The following PRUNE2 variants were observed in gnomAD, a reference collection of about 807,000 sequenced individuals.
The protein encoded by PRUNE2 is prune homolog 2 with BCH domain.
Under a neutral mutation model 252.0 loss-of-function variants are expected in PRUNE2, and 164 were observed. That is an observed-to-expected ratio of 0.65 (90% confidence interval 0.57 to 0.74). PRUNE2 has a LOEUF of 0.74. Ranked by LOEUF, PRUNE2 falls within the 30% of genes least tolerant of loss-of-function variation. PRUNE2 has a pLI of 0.00. For synonymous variants in PRUNE2, 1,292 were observed against 1,350.2 expected, an observed-to-expected ratio of 0.96 and a Z score of 0.94; for missense variants, 3,495 against 3,711.0, an observed-to-expected ratio of 0.94 and a Z score of 1.51.
chr9:76,750,866 G>C (rs749301528), intron 6 of PRUNE2, among the ~76,000 whole-genome samples: 5 of 152,176 alleles, frequency 3.3e-5, no homozygotes, highest in Non-Finnish European at 7.3e-5. Context: ...AAATATAATT[G>C]GGAAGTTGCT....
In PRUNE2 at chr9:76,706,984, G is replaced by A. The variant is rs767217841; in HGVS notation, c.5290C>T (p.Pro1764Ser). 22 of 1,613,932 alleles carry A rather than the reference G, an allele frequency of 1.4e-5. No homozygotes were observed. The highest frequency in any genetic ancestry group is 1.8e-5 in the Non-Finnish European group (21 of 1,179,868). The change falls in exon 8 of 19, where the codon CCT becomes TCT. Residue 1764 changes from proline (P) to serine (S), a missense_variant. Physicochemically the swap from Pro to Ser is moderately conservative, Grantham distance 74 (BLOSUM62 -1). Coordinates refer to ENST00000376718, the MANE Select transcript of PRUNE2 (RefSeq NM_015225.3). ...AATGGTGAGAAAGTCCAGGGATCAG[G>A]GCTGCTTTGTTGATTGTCACAGAAT... Reference protein sequence around the residue: ...NPFCDNQQSSPDPWTFSPLTE... With the variant: ...NPFCDNQQSSSDPWTFSPLTE...
At position 76,705,252 on chromosome 9, in the gene PRUNE2, T is replaced by C; in HGVS notation, c.7022A>G (p.Asp2341Gly). The change falls in exon 8 of 19, where the codon GAT (aspartate) becomes GGT (glycine). Residue 2341 changes from aspartate to glycine, a missense_variant. Asp to Gly is a moderately conservative substitution (Grantham distance 94). Coordinates refer to ENST00000376718, the MANE Select transcript of PRUNE2 (RefSeq NM_015225.3). ...CCACGAGGCTTCAGATGAGCAGATA[T>C]CTTGCTTCCCTAGGTCCCCATCAAC... ...TPVDGDLGKQ[D>G]ICSSEASWGD... The C allele has an allele frequency of 1.9e-6, 3 of 1,614,040 alleles. No individual in the cohort carries two copies. The highest frequency in any genetic ancestry group is 1.7e-6 in the Non-Finnish European group (2 of 1,179,882).
At chr9:76,653,433 T>C (rs1476303506) in intron 10 of PRUNE2, among the ~76,000 whole-genome samples, 3 of 152,118 alleles carry the variant, frequency 2.0e-5, no homozygotes, top group African/African-American at 7.2e-5. Flanking sequence ...TAATACCTAA[T>C]ACAAAGTAAA....
intron 6 of PRUNE2, among the ~76,000 whole-genome samples, chr9:76,723,118 G>C (rs1194745585): frequency 1.3e-5 from 2 of 152,174 alleles, no homozygotes; most frequent in Non-Finnish European, 2.9e-5. Context: ...AAATAGAACT[G>C]TAGGGTGACT....
At chr9:76,716,206 C>T (rs537374995) in intron 6 of PRUNE2, among the ~76,000 whole-genome samples, 29 of 152,238 alleles carry the variant, frequency 1.9e-4, no homozygotes, top group African/African-American at 6.5e-4. Context: ...TCAAAAATGC[C>T]GGCTGATCTC....
chr9:76,885,223 G>A (rs373427516), intron 1 of PRUNE2, among the ~76,000 whole-genome samples: 6 of 152,168 alleles, frequency 3.9e-5, no homozygotes, highest in East Asian at 1.9e-4. Flanking sequence ...TTGACTAGGC[G>A]GCTTCATATG....
intron 1 of PRUNE2, among the ~76,000 whole-genome samples, chr9:76,895,144 A>G (rs886320159): frequency 2.0e-5 from 3 of 152,198 alleles, no homozygotes; most frequent in Non-Finnish European, 2.9e-5. Flanking sequence ...CCATGGGTGG[A>G]AACTCTTCCA....
At chr9:76,837,441 A>AATAAT (rs2059067219) in intron 4 of PRUNE2, among the ~76,000 whole-genome samples, 2 of 134,826 alleles carry the variant, frequency 1.5e-5, no homozygotes, top group Non-Finnish European at 3.2e-5. Context: ...ACTCTGTCTC[A>AATAAT]AATAATAATA....
chr9:76,629,164 A>T (rs1387366156), intron 16 of PRUNE2, 28 bp downstream of exon 16: 1 of 1,410,606 alleles, frequency 7.1e-7, no homozygotes, highest in South Asian at 1.2e-5. Context: ...CTATTTCTTA[A>T]CACATCTCTG....
intron 6 of PRUNE2, among the ~76,000 whole-genome samples, chr9:76,773,120 C>T (rs1042246720): frequency 2.0e-5 from 3 of 152,184 alleles, no homozygotes; most frequent in Admixed American, 1.3e-4. Flanking sequence ...CTTTATATTA[C>T]TTTAAGTTCA....
chr9:76,865,371 T>C (rs1348029731), intron 1 of PRUNE2, among the ~76,000 whole-genome samples: 1 of 152,200 alleles, frequency 6.6e-6, no homozygotes, highest in Non-Finnish European at 1.5e-5. Flanking sequence ...ACAATGTTCC[T>C]TATATTCTAG....
At chr9:76,851,472 C>T (rs1214543854) in intron 2 of PRUNE2, among the ~76,000 whole-genome samples, 2 of 151,414 alleles carry the variant, frequency 1.3e-5, no homozygotes, top group African/African-American at 2.4e-5. Context: ...GGTGTGAACC[C>T]GGGAGGCGGA....
intron 6 of PRUNE2, among the ~76,000 whole-genome samples, chr9:76,744,763 T>C (rs1588974921): frequency 6.6e-6 from 1 of 152,206 alleles, no homozygotes; most frequent in East Asian, 1.9e-4. Flanking sequence ...TTAAGTCTCA[T>C]CCCAGGGGAG....
At chr9:76,730,218 C>T (rs1790500860) in intron 6 of PRUNE2, among the ~76,000 whole-genome samples, 1 of 152,172 alleles carries the variant, frequency 6.6e-6, no homozygotes, top group Admixed American at 6.5e-5. Context: ...CAGCATTCAG[C>T]TAAGGTTATC....
At chr9:76,646,670 A>G (rs1426357702) in intron 11 of PRUNE2, among the ~76,000 whole-genome samples, 1 of 152,054 alleles carries the variant, frequency 6.6e-6, no homozygotes, top group Non-Finnish European at 1.5e-5. Context: ...TCAATTTCCC[A>G]TCTGGTCTCT....
At chr9:76,792,082 G>A (rs1445372317) in intron 6 of PRUNE2, among the ~76,000 whole-genome samples, 1 of 152,148 alleles carries the variant, frequency 6.6e-6, no homozygotes, top group South Asian at 2.1e-4. Flanking sequence ...GTGGGGTACT[G>A]ATATGGTTTG....
intron 6 of PRUNE2, among the ~76,000 whole-genome samples, chr9:76,723,818 T>TC (rs1284444117): frequency 2.0e-5 from 3 of 151,398 alleles, no homozygotes; most frequent in Non-Finnish European, 4.4e-5. Context: ...TTCTTTTTTT[T>TC]TTTTTTTGAG....
intron 9 of PRUNE2, among the ~76,000 whole-genome samples, chr9:76,664,116 G>T (rs771703480): frequency 2.0e-5 from 3 of 152,208 alleles, no homozygotes; most frequent in Non-Finnish European, 4.4e-5. Flanking sequence ...GTGGACTGAT[G>T]ATTTGCTTCT....
chr9:76,625,178 T>C (rs1164859081), intron 16 of PRUNE2: 5 of 549,474 alleles, frequency 9.1e-6, no homozygotes, highest in African/African-American at 3.9e-5. Flanking sequence ...GATACAGTCA[T>C]GCACCATGTA....
Sources: gnomAD v4.1 joint callset for allele counts (sites outside exome capture counted in the v4.1 genomes callset) on GRCh38, gnomAD v4.1.1 for gene constraint, MANE v1.5 for transcripts, NCBI Gene and HGNC (gene_info 2026-07-23, HGNC 2026-07-21) for gene names.